AKAP6: variants seen among roughly 807,000 people sequenced by gnomAD.
AKAP6 encodes A-kinase anchoring protein 6.
A neutral mutation model predicts 188.5 loss-of-function variants in AKAP6; 58 were observed. The observed-to-expected ratio is 0.31, with a 90% CI of 0.25 to 0.38. The LOEUF (loss-of-function observed/expected upper bound fraction) is 0.38, where lower values mean the gene tolerates loss of function less well. Among genes scored for constraint, AKAP6 ranks in the 10% least tolerant of loss-of-function variants. AKAP6 has a pLI of 1.00. For synonymous variants in AKAP6, 989 were observed against 998.6 expected, an observed-to-expected ratio of 0.99 and a Z score of 0.18; for missense variants, 2,710 against 2,740.0, an observed-to-expected ratio of 0.99 and a Z score of 0.24.
intron 12 of AKAP6, among the ~76,000 whole-genome samples, chr14:32,803,851 A>G (rs922230454): frequency 2.6e-5 from 4 of 152,166 alleles, no homozygotes; most frequent in African/African-American, 9.7e-5. Context: ...TCCTTGACAA[A>G]CTGATTCTTC....
chr14:32,577,122 G>T lies in AKAP6; in HGVS notation c.2349G>T (p.Gly783=). 1.2e-6 allele frequency: 2 copies of T among 1,606,868 alleles called. No individual in the cohort carries two copies. Among genetic ancestry groups the T allele is most frequent in the South Asian group, 1.1e-5 (1 of 89,092 alleles). Reference sequence around the variant, plus strand: ...CCCCTTTTCTTTCCTTTCACAAGGGGTTTGTAAACAAACTGGATGAATTCA... The same window carrying T: ...CCCCTTTTCTTTCCTTTCACAAGGGTTTTGTAAACAAACTGGATGAATTCA... ...NYEAIWEKIE[G]FVNKLDEFIQ... Residue 783 remains glycine (G), a splice_region_variant and synonymous_variant, in exon 5 of 14, where the codon GGG becomes GGT. Transcript: ENST00000280979.
chr14:32,466,827 TTATATATA>T (rs776142584), intron 2 of AKAP6, among the ~76,000 whole-genome samples: 2 of 115,116 alleles, frequency 1.7e-5, no homozygotes, highest in African/African-American at 5.0e-5. Context: ...AAAAACAAGA[TTATATATA>T]TATATATATA....
At chr14:32,790,044 G>A (rs2033560783) in intron 12 of AKAP6, among the ~76,000 whole-genome samples, 1 of 152,180 alleles carries the variant, frequency 6.6e-6, no homozygotes, top group African/African-American at 2.4e-5. Flanking sequence ...TAATGGAGCT[G>A]AAAAACACAA....
chr14:32,413,178 T>TC (rs1166622772), intron 1 of AKAP6, among the ~76,000 whole-genome samples: 2 of 14,602 alleles, frequency 1.4e-4, no homozygotes, highest in African/African-American at 2.5e-4. Flanking sequence ...TATTGAAATT[T>TC]TTTTTTTTTT....
intron 2 of AKAP6, among the ~76,000 whole-genome samples, chr14:32,452,249 G>C (rs918872890): frequency 6.6e-6 from 1 of 151,868 alleles, no homozygotes; most frequent in Non-Finnish European, 1.5e-5. Context: ...GCCCAGGCTG[G>C]TCTCAAACTC....
At chr14:32,409,263 T>C (rs1889400796) in intron 1 of AKAP6, among the ~76,000 whole-genome samples, 1 of 152,124 alleles carries the variant, frequency 6.6e-6, no homozygotes, top group Non-Finnish European at 1.5e-5. Context: ...GCCCTTCACT[T>C]TGAAAATGCC....
At chr14:32,609,880 GACACACACAC>G (rs71115085) in intron 7 of AKAP6, among the ~76,000 whole-genome samples, 4,569 of 137,400 alleles carry the variant, frequency 0.033, 183 homozygotes, top group African/African-American at 0.096. Flanking sequence ...CTCTCTCTCT[GACACACACAC>G]ACACACACAC....
chr14:32,743,176 C>A (rs1191724805), intron 11 of AKAP6, among the ~76,000 whole-genome samples: 1 of 152,092 alleles, frequency 6.6e-6, no homozygotes, highest in Non-Finnish European at 1.5e-5. Context: ...GTCTGATATA[C>A]ACATAGCTAC....
intron 2 of AKAP6, among the ~76,000 whole-genome samples, chr14:32,483,420 AAC>A (rs10566667): frequency 0.62 from 94,785 of 151,794 alleles, 30,858 homozygotes; most frequent in East Asian, 0.86. Flanking sequence ...AGGAATGTAA[AAC>A]AGTTTTATAG....
intron 7 of AKAP6, among the ~76,000 whole-genome samples, chr14:32,671,965 A>G (rs1285229843): frequency 6.6e-6 from 1 of 152,194 alleles, no homozygotes; most frequent in African/African-American, 2.4e-5. Flanking sequence ...AAAAGTGCTT[A>G]TGTGTTTAAT....
chr14:32,596,443 C>T (rs886407785), intron 5 of AKAP6, among the ~76,000 whole-genome samples: 1 of 152,148 alleles, frequency 6.6e-6, no homozygotes, highest in Admixed American at 6.5e-5. Flanking sequence ...TAGAAATGCC[C>T]ATTGGTGAAT....
chr14:32,783,516 G>A (rs61707958), intron 12 of AKAP6, among the ~76,000 whole-genome samples: 1 of 151,882 alleles, frequency 6.6e-6, no homozygotes. Context: ...CACATATTCA[G>A]AATTTTAATT....
At chr14:32,547,929 C>T (rs1883270953) in intron 4 of AKAP6, among the ~76,000 whole-genome samples, 1 of 152,036 alleles carries the variant, frequency 6.6e-6, no homozygotes, top group Admixed American at 6.6e-5. Flanking sequence ...AAGAGATTCA[C>T]TATGATTACT....
chr14:32,342,651 C>T (rs1886926466), intron 1 of AKAP6, among the ~76,000 whole-genome samples: 1 of 152,146 alleles, frequency 6.6e-6, no homozygotes, highest in Non-Finnish European at 1.5e-5. Flanking sequence ...CTAGGACAGC[C>T]TCAAGTATCC....
chr14:32,484,145 A>G lies in AKAP6; in HGVS notation c.324+50328A>G, dbSNP rs190433110. 71 of 90,426 alleles carry G rather than the reference A, an allele frequency of 7.9e-4. 26 individuals carry two copies. The highest frequency in any genetic ancestry group is 1.4e-3 in the African/African-American group (13 of 9,456). 5.6% of individuals were successfully genotyped at this position (90,426 alleles called of 1,614,324 possible). ...GTCCCCTCCCCTGGCTGGGTCGAAG[A>G]AGGTGGTGTTGAGGTTATGGTCTGT... is the stretch of plus-strand genomic sequence containing the variant. On this transcript the variant is annotated intron_variant, in intron 2 of 13. Transcript: ENST00000280979.
intron 12 of AKAP6, among the ~76,000 whole-genome samples, chr14:32,784,792 C>T (rs1211445333): frequency 1.3e-5 from 2 of 152,118 alleles, no homozygotes; most frequent in Non-Finnish European, 2.9e-5. Flanking sequence ...TGGACGCAGG[C>T]GTATCTGACT....
chr14:32,602,129 G>T (rs1252770295), intron 7 of AKAP6, among the ~76,000 whole-genome samples: 1 of 152,044 alleles, frequency 6.6e-6, no homozygotes, highest in Non-Finnish European at 1.5e-5. Flanking sequence ...CATTTCTCAG[G>T]GCAAACTCGG....
At chr14:32,347,783 C>T (rs538271007) in intron 1 of AKAP6, among the ~76,000 whole-genome samples, 11 of 152,260 alleles carry the variant, frequency 7.2e-5, no homozygotes, top group Non-Finnish European at 4.4e-5. Context: ...TTTAAAAAGC[C>T]TAAAGTTTAA....
intron 7 of AKAP6, among the ~76,000 whole-genome samples, chr14:32,625,604 G>C (rs900942405): frequency 8.6e-5 from 13 of 151,448 alleles, no homozygotes; most frequent in Non-Finnish European, 2.9e-5. Flanking sequence ...CAATTAAATA[G>C]AAACTATTTC....
Sources: allele counts gnomAD v4.1 joint callset (sites outside exome capture counted in the v4.1 genomes callset), GRCh38; gene constraint gnomAD v4.1.1; transcripts MANE v1.5; gene names NCBI Gene and HGNC (gene_info 2026-07-23, HGNC 2026-07-21).